MRPS18B: variants seen among roughly 807,000 people sequenced by gnomAD.
MRPS18B encodes small ribosomal subunit protein mS40.
Under a neutral mutation model 28.4 loss-of-function variants are expected in MRPS18B, and 27 were observed. That is an observed-to-expected ratio of 0.95 (90% confidence interval 0.70 to 1.31). The LOEUF (loss-of-function observed/expected upper bound fraction) is 1.31, where lower values mean the gene tolerates loss of function less well. MRPS18B is among the 40% of genes most tolerant of loss of function. The probability of loss-of-function intolerance (pLI) is 0.00; values close to 1 mark genes in which losing one functional copy is unlikely to be tolerated. For synonymous variants in MRPS18B, 118 were observed against 123.7 expected (o/e 0.95, Z 0.30); for missense variants, 343 against 335.9 (o/e 1.02, Z -0.17).
At chr6:30,625,048 C>A in intron 6 of MRPS18B, 106 bp downstream of exon 6, 2 of 1,197,774 alleles carry the variant, frequency 1.7e-6, no homozygotes, top group East Asian at 4.9e-5. Context: ...ATGGTAGCAC[C>A]CAGCATGTTC....
chr6:30,624,494 G>A (rs183681507), intron 5 of MRPS18B, among the ~76,000 whole-genome samples: 163 of 152,302 alleles, frequency 1.1e-3, no homozygotes, highest in South Asian at 2.1e-4. Context: ...AAAGGCTGAA[G>A]GGACTATTAT....
chr6:30,618,858 T>A (rs1027602262), intron 1 of MRPS18B, among the ~76,000 whole-genome samples: 2 of 152,194 alleles, frequency 1.3e-5, no homozygotes, highest in Non-Finnish European at 2.9e-5. Flanking sequence ...TCCTCTTACT[T>A]TATTCTTCCA....
chr6:30,618,085 C>T (rs889363442), intron 1 of MRPS18B, 142 bp downstream of exon 1: 4 of 807,264 alleles, frequency 5.0e-6, no homozygotes, highest in Admixed American at 2.3e-5. Context: ...CAACCCCCCC[C>T]CCACACCCCG....
rs755137502 is a variant in MRPS18B at position 30,617,894 on chromosome 6, T to A, written c.29T>A (p.Leu10Gln). 4 of 1,614,108 alleles carry A rather than the reference T, an allele frequency of 2.5e-6. No homozygotes were observed. The African/African-American group carries it at 5.3e-5, about 22-fold the overall frequency. Residue 10 changes from leucine (L) to glutamine (Q), a missense_variant, in exon 1 of 7, where the codon CTG (leucine) becomes CAG (glutamine). Coordinates refer to ENST00000259873, the MANE Select transcript of MRPS18B (RefSeq NM_014046.4). Reference protein sequence around the residue: MAASVLNTVLRRLPMLSLFR... With the variant: MAASVLNTVQRRLPMLSLFR... ...GCGGCGTCTGTATTAAACACCGTGC[T>A]GAGGCGGCTTCCTATGCTATCTCTC...
intron 1 of MRPS18B, among the ~76,000 whole-genome samples, chr6:30,619,155 A>G (rs1760967859): frequency 6.6e-6 from 1 of 152,162 alleles, no homozygotes; most frequent in Admixed American, 6.5e-5. Context: ...TGACCTCATG[A>G]TCCGCCTGCC....
chr6:30,625,701 G>T lies in MRPS18B; in HGVS notation c.681G>T (p.Glu227Asp). ...RRLYQGHLQE[E>D]SGPPPESMPK... ...TTTACCAGGGTCATCTCCAAGAAGA[G>T]AGTGGCCCCCCACCTGAGTCAATGC... The change falls in exon 7 of 7, where the codon GAG (glutamate) becomes GAT (aspartate). Residue 227 changes from glutamate (E) to aspartate (D), a missense_variant. By Grantham distance (45) the Glu-to-Asp change is conservative. Transcript: ENST00000259873. 1 of 1,613,070 alleles carries T rather than the reference G, an allele frequency of 6.2e-7. No individual in the cohort carries two copies. The highest frequency in any genetic ancestry group is 8.5e-7 in the Non-Finnish European group (1 of 1,180,034).
intron 4 of MRPS18B, among the ~76,000 whole-genome samples, chr6:30,620,431 C>G (rs1011670062): frequency 3.3e-5 from 5 of 152,154 alleles, no homozygotes; most frequent in Non-Finnish European, 7.3e-5. Context: ...ATCCAGGAGG[C>G]CCTACAGTCC....
chr6:30,625,978 T>G lies in MRPS18B; in HGVS notation c.*181T>G, dbSNP rs965840376. 1.6e-6 allele frequency: 1 copy of G among 626,392 alleles called. No individual in the cohort carries two copies. The highest frequency in any genetic ancestry group is 2.7e-6 in the Non-Finnish European group (1 of 369,832). The allele number at this position is 626,392 out of a possible 1,614,324, so 38.8% of individuals were successfully genotyped here. ...TTAGCTGGGTGTGGTGGTGCACACC[T>G]GTAGTCTCAACTATTGGGGAGGCTA... is the stretch of plus-strand genomic sequence containing the variant. On this transcript the variant is annotated 3_prime_UTR_variant, in exon 7 of 7. Transcript: ENST00000259873.
rs1760832461 is a variant in MRPS18B at position 30,618,014 on chromosome 6, C to T, written c.78+71C>T. ...CTTCTCGAGGTTGTCGCTCCACTGT[C>T]AGGAATCCACGAGTGGAGACCTTCC... is the stretch of plus-strand genomic sequence containing the variant. On this transcript the variant is annotated intron_variant, in intron 1 of 6. Transcript: ENST00000259873. The T allele has an allele frequency of 5.9e-6, 9 of 1,529,118 alleles. No homozygotes were observed. In the South Asian group the frequency reaches 1.0e-4, roughly 17 times the overall value. The allele number at this position is 1,529,118 out of a possible 1,614,324, so 94.7% of individuals were successfully genotyped here. A position where few individuals can be genotyped will look rare whatever the true frequency, so the allele number is the denominator to read the frequency against.
chr6:30,618,819 C>T lies in MRPS18B; in HGVS notation c.79-674C>T, dbSNP rs1760930961. Among the ~76,000 whole-genome samples, 4 of 152,338 alleles carry T rather than the reference C, an allele frequency of 2.6e-5. No individual in the cohort carries two copies. In the South Asian group the frequency reaches 8.3e-4, roughly 32 times the overall value. On this transcript the variant is annotated intron_variant, in intron 1 of 6. Transcript: ENST00000259873. ...TCTTCTGCATCCCCTCCCCACCACA[C>T]ATCTTAGTTCCAAGAACCTAGATAT... is the stretch of plus-strand genomic sequence containing the variant.
chr6:30,620,125 G>A, intron 4 of MRPS18B, 136 bp downstream of exon 4: 1 of 788,820 alleles, frequency 1.3e-6, no homozygotes, highest in Non-Finnish European at 2.1e-6. Context: ...AGACCATCCT[G>A]GCTAACACGG....
intron 5 of MRPS18B, among the ~76,000 whole-genome samples, chr6:30,624,239 C>T (rs1371855761): frequency 2.0e-5 from 3 of 152,068 alleles, no homozygotes; most frequent in African/African-American, 7.2e-5. Context: ...ATTACAGGCA[C>T]GTGCCACTGT....
At chr6:30,625,447 T>C in intron 6 of MRPS18B, 55 bp from the exon 7 acceptor site, 1 of 1,460,502 alleles carries the variant, frequency 6.8e-7, no homozygotes, top group Middle Eastern at 2.5e-4. Flanking sequence ...TCTTACTTCA[T>C]CTAAACCACC....
In MRPS18B at chr6:30,619,744, G is replaced by C; in HGVS notation, c.223G>C (p.Ala75Pro). ...QERYGSRPVWADYRRNHKGGV... is the reference protein window; with the variant it reads ...QERYGSRPVWPDYRRNHKGGV... ...GCGATATGGTTCTCGCCCCGTCTGG[G>C]CTGACTACCGCCGCAACCACAAGGG... is the stretch of plus-strand genomic sequence containing the variant. The change falls in exon 3 of 7, where the codon GCT (alanine) becomes CCT (proline). Residue 75 changes from alanine (A) to proline (P), a missense_variant. Ala to Pro is a conservative substitution (Grantham distance 27). Transcript: ENST00000259873. 2 of 1,614,168 alleles carry C rather than the reference G, an allele frequency of 1.2e-6. No individual in the cohort carries two copies. The highest frequency in any genetic ancestry group is 2.2e-5 in the South Asian group (2 of 91,080).
At chr6:30,618,458 A>G (rs1318546230) in intron 1 of MRPS18B, 1 of 155,710 alleles carries the variant, frequency 6.4e-6, no homozygotes, top group Non-Finnish European at 1.4e-5. Flanking sequence ...ACCTGAGGAC[A>G]GTTTCTCAGC....
chr6:30,620,870 C>T (rs1761114485), intron 4 of MRPS18B, among the ~76,000 whole-genome samples: 3 of 152,050 alleles, frequency 2.0e-5, no homozygotes, highest in South Asian at 4.1e-4. Flanking sequence ...ACCCAGCCAG[C>T]GAAATGGCTA....
intron 4 of MRPS18B, among the ~76,000 whole-genome samples, chr6:30,621,341 G>C (rs1761146250): frequency 6.6e-6 from 1 of 152,296 alleles, no homozygotes; most frequent in East Asian, 1.9e-4. Flanking sequence ...GGCGGAGGTT[G>C]CAGTGAGCTG....
At position 30,620,655 on chromosome 6, in the gene MRPS18B, C is replaced by T. The variant is rs551711314; in HGVS notation, c.354+666C>T. On this transcript the variant is annotated intron_variant, in intron 4 of 6. Coordinates refer to ENST00000259873, the MANE Select transcript of MRPS18B (RefSeq NM_014046.4). ...CGTGATCTCAGCTCACTGCAACCTC[C>T]GCCTTCTGGGTTCAAGCGATTCTCC... Among the ~76,000 whole-genome samples the T allele has an allele frequency of 1.6e-3, 236 of 152,046 alleles. 1 individual carries two copies. Among genetic ancestry groups the T allele is most frequent in the African/African-American group, 5.1e-3 (210 of 41,452 alleles).
intron 3 of MRPS18B, 57 bp downstream of exon 3, chr6:30,619,863 C>T (rs1189789948): frequency 6.2e-7 from 1 of 1,608,650 alleles, no homozygotes; most frequent in Non-Finnish European, 8.5e-7. Flanking sequence ...ACAGTAACAG[C>T]AGCACTTTTT....
Sources: allele counts gnomAD v4.1 joint callset (sites outside exome capture counted in the v4.1 genomes callset), GRCh38; gene constraint gnomAD v4.1.1; transcripts MANE v1.5; gene names NCBI Gene and HGNC (gene_info 2026-07-23, HGNC 2026-07-21).